GPHN: variants seen among roughly 807,000 people sequenced by gnomAD.
The protein encoded by GPHN is gephyrin.
A neutral mutation model predicts 95.5 loss-of-function variants in GPHN; 17 were observed. That is an observed-to-expected ratio of 0.18 (90% CI 0.12 to 0.27). GPHN has a LOEUF of 0.27. Among genes scored for constraint, GPHN ranks in the 10% least tolerant of loss-of-function variants. The probability of loss-of-function intolerance (pLI) is 1.00; values close to 1 mark genes in which losing one functional copy is unlikely to be tolerated. For missense variants in GPHN, 660 were observed against 978.1 expected (o/e 0.67, Z 4.34); for synonymous variants, 320 against 322.5 (o/e 0.99, Z 0.08).
the GPHN span, among the ~76,000 whole-genome samples, chr14:67,251,405 T>C: frequency 6.6e-6 from 1 of 152,074 alleles, no homozygotes; most frequent in South Asian, 2.1e-4. Context: ...TGGTGGTGTG[T>C]GCCTGTGGTC....
the GPHN span, among the ~76,000 whole-genome samples, chr14:67,342,254 A>G: frequency 0.99 from 148,456 of 150,048 alleles, 73,456 homozygotes; most frequent in Middle Eastern, 1. Flanking sequence ...AAAGTAAAAT[A>G]GAGTATAATC....
At chr14:67,659,252 C>T in the GPHN span, among the ~76,000 whole-genome samples, 1 of 152,068 alleles carries the variant, frequency 6.6e-6, no homozygotes, top group Non-Finnish European at 1.5e-5. Flanking sequence ...GTTGCTGGGC[C>T]ATCTTGACAT....
the GPHN span, among the ~76,000 whole-genome samples, chr14:67,223,062 C>T: frequency 6.9e-6 from 1 of 145,364 alleles, no homozygotes; most frequent in Non-Finnish European, 1.5e-5. Flanking sequence ...TGCAGTGGCA[C>T]AATCTTGGCT....
the GPHN span, among the ~76,000 whole-genome samples, chr14:67,524,161 A>C: frequency 6.6e-6 from 1 of 151,942 alleles, no homozygotes; most frequent in South Asian, 2.1e-4. Flanking sequence ...AATAAGTGAA[A>C]TCTCATATGT....
At chr14:66,705,270 A>T (rs2068963644) in intron 2 of GPHN, among the ~76,000 whole-genome samples, 1 of 152,262 alleles carries the variant, frequency 6.6e-6, no homozygotes, top group Non-Finnish European at 1.5e-5. Context: ...TTCTGAAATT[A>T]TTCCAAACAG....
At chr14:66,529,947 G>A (rs964539674) in intron 1 of GPHN, among the ~76,000 whole-genome samples, 6 of 152,190 alleles carry the variant, frequency 3.9e-5, no homozygotes, top group South Asian at 2.1e-4. Context: ...ACTTGAGGCC[G>A]TCTGTCCCTT....
chr14:67,523,228 C>T, the GPHN span, among the ~76,000 whole-genome samples: 1 of 151,162 alleles, frequency 6.6e-6, no homozygotes, highest in African/African-American at 2.4e-5. Context: ...GAGGCTAAGG[C>T]AGGGAGAATT....
At chr14:66,784,815 A>G (rs376521768) in intron 3 of GPHN, among the ~76,000 whole-genome samples, 2 of 152,212 alleles carry the variant, frequency 1.3e-5, no homozygotes, top group East Asian at 3.8e-4. Context: ...AAAACAGGAA[A>G]AAGAAACAGG....
chr14:66,550,732 G>A (rs1594926804), intron 1 of GPHN, among the ~76,000 whole-genome samples: 1 of 152,166 alleles, frequency 6.6e-6, no homozygotes, highest in Non-Finnish European at 1.5e-5. Flanking sequence ...ACCTTCAGCA[G>A]CCACCACCCT....
At chr14:67,578,879 C>A in the GPHN span, among the ~76,000 whole-genome samples, 3 of 152,234 alleles carry the variant, frequency 2.0e-5, no homozygotes, top group South Asian at 2.1e-4. The surrounding 1 kb of genome is among the most constrained non-coding windows in gnomAD (Gnocchi z 5.0). Context: ...TGAAGCCACA[C>A]TGCTCCCAAA....
At chr14:66,630,952 C>T (rs2063774540) in intron 1 of GPHN, among the ~76,000 whole-genome samples, 1 of 151,970 alleles carries the variant, frequency 6.6e-6, no homozygotes, top group South Asian at 2.1e-4. Flanking sequence ...TACATGATCC[C>T]CTCTTACTTA....
intron 8 of GPHN, among the ~76,000 whole-genome samples, chr14:66,947,822 G>C (rs1416433708): frequency 1.3e-5 from 2 of 152,074 alleles, no homozygotes; most frequent in African/African-American, 2.4e-5. Flanking sequence ...GGATGTGGTG[G>C]TGTGCACCTG....
chr14:67,505,839 A>G, the GPHN span, among the ~76,000 whole-genome samples: 1 of 151,836 alleles, frequency 6.6e-6, no homozygotes, highest in Non-Finnish European at 1.5e-5. Context: ...CCCTGGGATT[A>G]CAGGCGCCCG....
chr14:66,782,309 A>G (rs1179618873), intron 3 of GPHN, among the ~76,000 whole-genome samples: 1 of 152,150 alleles, frequency 6.6e-6, no homozygotes, highest in Non-Finnish European at 1.5e-5. Flanking sequence ...GGTTTTGATT[A>G]TAGTGCTTTT....
chr14:66,582,633 T>C (rs2061237173), intron 1 of GPHN, among the ~76,000 whole-genome samples: 1 of 150,996 alleles, frequency 6.6e-6, no homozygotes, highest in Non-Finnish European at 1.5e-5. Context: ...GAACATGCAG[T>C]GTTTGGTTTT....
the GPHN span, among the ~76,000 whole-genome samples, chr14:67,350,089 TA>T: frequency 6.6e-6 from 1 of 152,242 alleles, no homozygotes; most frequent in South Asian, 2.1e-4. Context: ...TAAATTGGCA[TA>T]ACACATTTGC....
At chr14:67,702,992 T>G in the GPHN span, among the ~76,000 whole-genome samples, 1 of 151,392 alleles carries the variant, frequency 6.6e-6, no homozygotes, top group African/African-American at 2.4e-5. Context: ...TTAAAAAAGT[T>G]TTTTTTTTGT....
chr14:67,398,219 GT>G, the GPHN span, among the ~76,000 whole-genome samples: 22,881 of 151,676 alleles, frequency 0.15, 3,273 homozygotes, highest in East Asian at 0.43. Context: ...TTATTTTCTA[GT>G]TTTTTTTGTT....
the GPHN span, chr14:67,279,550 A>G: frequency 6.6e-7 from 1 of 1,518,050 alleles, no homozygotes; most frequent in Non-Finnish European, 8.8e-7. Context: ...AAGTAAAAAT[A>G]GAGGTATAAC....
Sources: gnomAD v4.1 joint callset for allele counts (sites outside exome capture counted in the v4.1 genomes callset) on GRCh38, gnomAD v4.1.1 for gene constraint, Gnocchi (gnomAD v3.1) non-coding constraint, MANE v1.5 for transcripts, NCBI Gene and HGNC (gene_info 2026-07-23, HGNC 2026-07-21) for gene names.